DCDC1: variants seen among roughly 807,000 people sequenced by gnomAD.
DCDC1 encodes doublecortin domain containing 1, also known as doublecortin domain-containing protein 1.
DCDC1 carries 200 observed loss-of-function variants against 178.3 expected under a neutral mutation model. That is an observed-to-expected ratio of 1.12 (90% CI 1.00 to 1.26). The LOEUF is 1.26. Among genes scored for constraint, DCDC1 ranks in the 50% most tolerant of loss-of-function variants. The pLI is 0.00. For missense variants in DCDC1, 1,983 were observed against 1,749.2 expected (o/e 1.13, Z -2.38); for synonymous variants, 690 against 604.8 (o/e 1.14, Z -2.07).
intron 3 of DCDC1, among the ~76,000 whole-genome samples, chr11:31,315,306 CTTTTTTTTT>C (rs72156406): frequency 3.2e-5 from 2 of 62,140 alleles, no homozygotes; most frequent in African/African-American, 6.5e-5. Flanking sequence ...TTTGCATACC[CTTTTTTTTT>C]TTTTTTTTTT....
chr11:31,247,118 A>G (rs1480860228), intron 8 of DCDC1, among the ~76,000 whole-genome samples: 1 of 152,062 alleles, frequency 6.6e-6, no homozygotes, highest in African/African-American at 2.4e-5. Flanking sequence ...CATAGGTCAT[A>G]CTGTTTTTAC....
chr11:31,241,484 T>C lies in DCDC1; in HGVS notation c.1187A>G (p.Gln396Arg). Reference sequence around the variant, plus strand: ...ATATTTTTTTGCAGACTTTAATCGTTGGTACAGGGCCAAAAGAACTCCTTG... The same window carrying C: ...ATATTTTTTTGCAGACTTTAATCGTCGGTACAGGGCCAAAAGAACTCCTTG... ...YIQGVLLALY[Q>R]RLKSAKKYYK... Residue 396 changes from glutamine to arginine, a missense_variant, in exon 9 of 39, where the codon CAA becomes CGA. Transcript: ENST00000684477. The C allele has an allele frequency of 2.5e-6, 1 of 397,466 alleles. No homozygotes were observed. The highest frequency in any genetic ancestry group is 4.4e-6 in the Non-Finnish European group (1 of 224,942). The allele number at this position is 397,466 out of a possible 1,614,324, so 24.6% of individuals were successfully genotyped here.
At chr11:31,185,419 A>C (rs1969359328) in intron 9 of DCDC1, among the ~76,000 whole-genome samples, 1 of 152,012 alleles carries the variant, frequency 6.6e-6, no homozygotes, top group South Asian at 2.1e-4. Context: ...AAAAAAGAAA[A>C]TAAATAAATA....
intron 20 of DCDC1, among the ~76,000 whole-genome samples, chr11:31,058,189 T>C (rs894030338): frequency 6.6e-6 from 1 of 152,180 alleles, no homozygotes; most frequent in Non-Finnish European, 1.5e-5. Context: ...GAGTAGATCA[T>C]AGGGCTATAG....
chr11:31,031,952 A>T (rs901938368), intron 20 of DCDC1, among the ~76,000 whole-genome samples: 3 of 151,264 alleles, frequency 2.0e-5, no homozygotes, highest in Admixed American at 2.0e-4. Context: ...ATATTCTGTA[A>T]ATAATATTTT....
chr11:30,888,077 AG>A (rs1565029285), intron 36 of DCDC1, among the ~76,000 whole-genome samples: 29 of 120,280 alleles, frequency 2.4e-4, no homozygotes, highest in South Asian at 8.9e-4. Context: ...AGAGAGAGAG[AG>A]AGAGAGAAAG....
chr11:30,983,575 G>A (rs185696345), intron 20 of DCDC1, among the ~76,000 whole-genome samples: 1 of 152,052 alleles, frequency 6.6e-6, no homozygotes, highest in Non-Finnish European at 1.5e-5. Context: ...TCATTATTCA[G>A]ATTTATGAAA....
chr11:31,342,239 A>G (rs1950590575), intron 1 of DCDC1, among the ~76,000 whole-genome samples: 1 of 152,236 alleles, frequency 6.6e-6, no homozygotes, highest in South Asian at 2.1e-4. Flanking sequence ...TGGAAAAATA[A>G]AAGCAATATA....
chr11:31,347,347 C>T (rs1432337675), intron 1 of DCDC1, among the ~76,000 whole-genome samples: 1 of 152,124 alleles, frequency 6.6e-6, no homozygotes, highest in East Asian at 1.9e-4. Flanking sequence ...GGTCCCTAAA[C>T]CAGATAGTGA....
chr11:31,230,956 A>T (rs922466766), intron 9 of DCDC1, among the ~76,000 whole-genome samples: 3 of 151,688 alleles, frequency 2.0e-5, no homozygotes, highest in Admixed American at 6.6e-5. Flanking sequence ...AAGTTATGAA[A>T]TTTTTTTGTT....
At chr11:31,325,693 T>G (rs1949607765) in intron 3 of DCDC1, among the ~76,000 whole-genome samples, 1 of 152,136 alleles carries the variant, frequency 6.6e-6, no homozygotes, top group Non-Finnish European at 1.5e-5. Flanking sequence ...CTACTTTGAA[T>G]GGACTTAATA....
intron 8 of DCDC1, among the ~76,000 whole-genome samples, chr11:31,250,531 G>A (rs1191591273): frequency 1.3e-5 from 2 of 148,548 alleles, no homozygotes; most frequent in Non-Finnish European, 3.0e-5. Context: ...ACCCCTTAAA[G>A]AATAGATTTC....
chr11:31,285,477 T>G (rs982740714), intron 7 of DCDC1, among the ~76,000 whole-genome samples: 4 of 152,140 alleles, frequency 2.6e-5, no homozygotes, highest in African/African-American at 9.6e-5. Context: ...CTCTCTAAAT[T>G]ATTTTACCCA....
At chr11:31,115,996 T>TG (rs1555066794) in intron 11 of DCDC1, among the ~76,000 whole-genome samples, 6 of 45,012 alleles carry the variant, frequency 1.3e-4, no homozygotes, top group South Asian at 9.1e-4. Context: ...GGGGGGGGGA[T>TG]GGGTATCTCA....
intron 21 of DCDC1, among the ~76,000 whole-genome samples, chr11:30,948,023 GAAAT>G (rs1325686221): frequency 6.6e-6 from 1 of 152,128 alleles, no homozygotes; most frequent in African/African-American, 2.4e-5. Flanking sequence ...GCAAGAGAAA[GAAAT>G]AAAGAGTATT....
At chr11:31,362,120 G>GTA (rs1008908412) in intron 1 of DCDC1, among the ~76,000 whole-genome samples, 1 of 151,864 alleles carries the variant, frequency 6.6e-6, no homozygotes, top group Non-Finnish European at 1.5e-5. Context: ...TGAATATTAT[G>GTA]TATATATATG....
intron 18 of DCDC1, among the ~76,000 whole-genome samples, chr11:31,076,376 T>C (rs1224750581): frequency 6.6e-6 from 1 of 152,134 alleles, no homozygotes; most frequent in African/African-American, 2.4e-5. Flanking sequence ...TGAGGCAAGA[T>C]CTCACTTTGT....
intron 2 of DCDC1, among the ~76,000 whole-genome samples, chr11:31,333,158 T>C (rs1950089950): frequency 6.6e-6 from 1 of 152,226 alleles, no homozygotes. Flanking sequence ...TCTCTTTTGA[T>C]CTTTGTTGGT....
rs566610461 is a variant in DCDC1 at position 31,075,316 on chromosome 11, C to T, written c.2298+2549G>A. Among the ~76,000 whole-genome samples, 3 of 152,154 alleles carry T rather than the reference C, an allele frequency of 2.0e-5. No homozygotes were observed. In the East Asian group the frequency reaches 5.8e-4, roughly 29 times the overall value. On this transcript the variant is annotated intron_variant, in intron 18 of 38. Coordinates refer to ENST00000684477, the MANE Select transcript of DCDC1 (RefSeq NM_001387274.1). ...ACTGATAGAACTTTAGGTTGATTCC[C>T]TATCTTTGCTATTGTGAATAGTACT...
Sources: allele counts gnomAD v4.1 joint callset (sites outside exome capture counted in the v4.1 genomes callset), GRCh38; gene constraint gnomAD v4.1.1; transcripts MANE v1.5; gene names NCBI Gene and HGNC (gene_info 2026-07-23, HGNC 2026-07-21).